Variants in ZNF385B observed in about 807,000 individuals in gnomAD.
The protein encoded by ZNF385B is zinc finger protein 385B.
A neutral mutation model predicts 39.2 loss-of-function variants in ZNF385B; 23 were observed. The ratio of observed to expected loss-of-function variants is 0.59; its 90% CI spans 0.42 to 0.83. The LOEUF (loss-of-function observed/expected upper bound fraction) is 0.83, where lower values mean the gene tolerates loss of function less well. ZNF385B is among the 40% of genes least tolerant of loss of function. The pLI is 0.00. For synonymous variants in ZNF385B, 205 were observed against 222.6 expected (o/e 0.92, Z 0.70); for missense variants, 552 against 598.9 (o/e 0.92, Z 0.82).
rs1339724256 is a variant in ZNF385B at position 179,446,534 on chromosome 2, G to A, written c.952C>T (p.His318Tyr). 2 of 1,613,504 alleles carry A rather than the reference G, an allele frequency of 1.2e-6. No homozygotes were observed. The highest frequency in any genetic ancestry group is 1.7e-6 in the Non-Finnish European group (2 of 1,179,738). ...AVNSLSQLEA[H>Y]NTGSKHKTMV... The stretch of plus-strand genomic sequence containing the variant: ...AAAGATAGCTGCTAACCTGTGTTGT[G>A]TGCCTCTAGCTGTGACAGGGAGTTC... Residue 318 changes from histidine to tyrosine, a missense_variant, in exon 7 of 10, where the codon CAC (histidine) becomes TAC (tyrosine). By Grantham distance (83) the His-to-Tyr change is moderately conservative. Transcript: ENST00000410066.
At chr2:179,756,931 G>T (rs1703066310) in intron 3 of ZNF385B, among the ~76,000 whole-genome samples, 1 of 152,128 alleles carries the variant, frequency 6.6e-6, no homozygotes, top group African/African-American at 2.4e-5. Context: ...GCTCCGAGAA[G>T]TTTGACCACC....
intron 3 of ZNF385B, among the ~76,000 whole-genome samples, chr2:179,674,949 C>A (rs1347809384): frequency 6.6e-6 from 1 of 152,150 alleles, no homozygotes; most frequent in Non-Finnish European, 1.5e-5. Context: ...AAACACTATA[C>A]AGAGTAAAAA....
intron 3 of ZNF385B, among the ~76,000 whole-genome samples, chr2:179,678,116 A>G (rs1697104116): frequency 2.0e-5 from 3 of 152,192 alleles, no homozygotes; most frequent in Non-Finnish European, 2.9e-5. Context: ...TTTAAGAGAA[A>G]TATCTGTGAT....
chr2:179,838,474 T>C (rs1042310494), intron 1 of ZNF385B, among the ~76,000 whole-genome samples: 4 of 152,206 alleles, frequency 2.6e-5, no homozygotes, highest in African/African-American at 7.2e-5. Context: ...ATGGAAGGTG[T>C]GGTTACTATC....
rs796129891 is a variant in ZNF385B, at chr2:179,465,501, C to T, written c.715+17771G>A. ...TGTATAAGCTGCTCCACACAGGGGC[C>T]TTTCCAAGTAGTCCTCACGTCAATT... is the stretch of plus-strand genomic sequence containing the variant. On this transcript the variant is annotated intron_variant, in intron 6 of 9. Coordinates refer to ENST00000410066, the MANE Select transcript of ZNF385B (RefSeq NM_152520.6). Among the ~76,000 whole-genome samples, 8 of 152,236 alleles carry T rather than the reference C, an allele frequency of 5.3e-5. 1 individual carries two copies. In the East Asian group the frequency reaches 5.8e-4, roughly 11 times the overall value.
At chr2:179,661,295 T>C (rs1043202989) in intron 3 of ZNF385B, among the ~76,000 whole-genome samples, 1 of 152,198 alleles carries the variant, frequency 6.6e-6, no homozygotes, top group Non-Finnish European at 1.5e-5. Context: ...AGGCCTATTT[T>C]TGCCATTATG....
chr2:179,666,907 T>C (rs1695232313), intron 3 of ZNF385B, among the ~76,000 whole-genome samples: 3 of 152,204 alleles, frequency 2.0e-5, no homozygotes, highest in Non-Finnish European at 4.4e-5. Context: ...GCTGTTGTTG[T>C]TGTTTTTTGT....
chr2:179,827,789 G>A (rs1324941623), intron 1 of ZNF385B, among the ~76,000 whole-genome samples: 3 of 152,052 alleles, frequency 2.0e-5, no homozygotes, highest in African/African-American at 4.8e-5. Flanking sequence ...GAATTGTCAC[G>A]ACGTGAACGT....
chr2:179,695,490 A>G (rs1698670128), intron 3 of ZNF385B, among the ~76,000 whole-genome samples: 1 of 152,132 alleles, frequency 6.6e-6, no homozygotes, highest in Admixed American at 6.5e-5. Flanking sequence ...TATTTATTAT[A>G]ACTCAAGAAT....
At chr2:179,537,101 G>A (rs558955718) in intron 4 of ZNF385B, among the ~76,000 whole-genome samples, 3 of 150,578 alleles carry the variant, frequency 2.0e-5, no homozygotes, top group East Asian at 2.0e-4. Context: ...ACCTGAGGTC[G>A]AGAGTTCGAG....
intron 3 of ZNF385B, among the ~76,000 whole-genome samples, chr2:179,766,887 G>T (rs755142197): frequency 3.9e-5 from 6 of 152,062 alleles, no homozygotes; most frequent in Non-Finnish European, 8.8e-5. Context: ...CGCTTGCTTT[G>T]TCAGTGGGCT....
intron 6 of ZNF385B, among the ~76,000 whole-genome samples, chr2:179,478,335 C>T (rs1490675249): frequency 6.6e-6 from 1 of 152,172 alleles, no homozygotes. Flanking sequence ...ATGTACTATG[C>T]TATTTAGTAT....
At chr2:179,748,990 C>T (rs1702527408) in intron 3 of ZNF385B, among the ~76,000 whole-genome samples, 1 of 152,048 alleles carries the variant, frequency 6.6e-6, no homozygotes, top group Non-Finnish European at 1.5e-5. Context: ...ATCTAGAACA[C>T]AATCACAAAG....
At chr2:179,537,488 C>T (rs2059650308) in intron 4 of ZNF385B, among the ~76,000 whole-genome samples, 1 of 151,956 alleles carries the variant, frequency 6.6e-6, no homozygotes, top group East Asian at 1.9e-4. Context: ...ACCTGTAATC[C>T]CAGCACTTTG....
intron 3 of ZNF385B, among the ~76,000 whole-genome samples, chr2:179,691,761 T>G (rs1186674023): frequency 6.6e-6 from 1 of 152,202 alleles, no homozygotes; most frequent in Non-Finnish European, 1.5e-5. Flanking sequence ...AGGTGTTCAT[T>G]GGACACATTT....
chr2:179,792,018 T>C (rs1294800093), intron 1 of ZNF385B, among the ~76,000 whole-genome samples: 1 of 152,142 alleles, frequency 6.6e-6, no homozygotes, highest in African/African-American at 2.4e-5. Flanking sequence ...TGCCTTGGCC[T>C]TCCAAAGTGC....
chr2:179,549,678 G>A (rs780776694), intron 3 of ZNF385B, among the ~76,000 whole-genome samples: 1 of 149,136 alleles, frequency 6.7e-6, no homozygotes, highest in Non-Finnish European at 1.5e-5. Context: ...ATTTCAAATC[G>A]TTCCAGAACA....
At chr2:179,489,724 G>A (rs189185530) in intron 5 of ZNF385B, among the ~76,000 whole-genome samples, 1 of 152,292 alleles carries the variant, frequency 6.6e-6, no homozygotes, top group Non-Finnish European at 1.5e-5. Flanking sequence ...ATACCCAAGA[G>A]AAAGGCTTAC....
chr2:179,758,370 C>T (rs927756984), intron 3 of ZNF385B, among the ~76,000 whole-genome samples: 1 of 152,184 alleles, frequency 6.6e-6, no homozygotes, highest in Non-Finnish European at 1.5e-5. Context: ...CTTGTTGCTG[C>T]ATCCTCCAGA....
Sources: gnomAD v4.1 joint callset for allele counts (sites outside exome capture counted in the v4.1 genomes callset) on GRCh38, gnomAD v4.1.1 for gene constraint, MANE v1.5 for transcripts, NCBI Gene and HGNC (gene_info 2026-07-23, HGNC 2026-07-21) for gene names.